The following TEX9 variants were observed in gnomAD, a reference collection of about 807,000 sequenced individuals.
The protein encoded by TEX9 is testis-expressed protein 9.
Under a neutral mutation model 59.6 loss-of-function variants are expected in TEX9, and 74 were observed. That is an observed-to-expected ratio of 1.24 (90% CI 1.03 to 1.51). TEX9 has a LOEUF of 1.51. Ranked by LOEUF, TEX9 falls within the 40% of genes most tolerant of loss-of-function variation. TEX9 has a pLI of 0.00. For missense variants in TEX9, 522 were observed against 447.8 expected (o/e 1.17, Z -1.49); for synonymous variants, 186 against 152.2 (o/e 1.22, Z -1.64).
chr15:56,306,015 A>C (rs1380208436), intron 1 of TEX9, among the ~76,000 whole-genome samples: 10 of 152,168 alleles, frequency 6.6e-5, no homozygotes, highest in African/African-American at 2.2e-4. Flanking sequence ...ACAGACATAT[A>C]AAAACATGCT....
At chr15:56,422,857 A>G (rs1157981041) in intron 10 of TEX9, among the ~76,000 whole-genome samples, 3 of 152,092 alleles carry the variant, frequency 2.0e-5, no homozygotes, top group Admixed American at 6.6e-5. Context: ...TTCTGTCTCT[A>G]TAAATTTGAC....
intron 9 of TEX9, among the ~76,000 whole-genome samples, chr15:56,412,090 T>G (rs1445463843): frequency 3.9e-5 from 6 of 152,100 alleles, no homozygotes; most frequent in African/African-American, 1.4e-4. Flanking sequence ...ACTACATTTT[T>G]TAGGATATAT....
chr15:56,312,226 A>G (rs1355735156), intron 1 of TEX9, among the ~76,000 whole-genome samples: 2 of 144,228 alleles, frequency 1.4e-5, no homozygotes, highest in East Asian at 2.0e-4. Context: ...GCCCATGCCT[A>G]TGTCCTGAAT....
intron 10 of TEX9, among the ~76,000 whole-genome samples, chr15:56,414,959 G>C (rs1276152349): frequency 1.3e-5 from 2 of 151,730 alleles, no homozygotes; most frequent in Admixed American, 1.3e-4. Flanking sequence ...GTATTTAATT[G>C]TGGTTTTGAT....
intron 2 of TEX9, among the ~76,000 whole-genome samples, chr15:56,371,758 C>T (rs1292855356): frequency 6.6e-6 from 1 of 152,116 alleles, no homozygotes; most frequent in Non-Finnish European, 1.5e-5. Flanking sequence ...AAAGTTTTTC[C>T]ATGGTGTCCT....
intron 2 of TEX9, among the ~76,000 whole-genome samples, chr15:56,369,953 T>C (rs2047116218): frequency 7.2e-6 from 1 of 139,860 alleles, no homozygotes; most frequent in South Asian, 2.6e-4. Flanking sequence ...TAAATCTTCT[T>C]GATTCATTAT....
At chr15:56,443,611 G>A (rs772180805) in intron 12 of TEX9, 66 of 1,599,744 alleles carry the variant, frequency 4.1e-5, no homozygotes, top group Non-Finnish European at 5.4e-5. Flanking sequence ...AATTTTACTA[G>A]TGTTAAAGAA....
chr15:56,454,372 T>TTTTAG, the TEX9 span, among the ~76,000 whole-genome samples: 119,852 of 151,394 alleles, frequency 0.79, 47,732 homozygotes, highest in Middle Eastern at 0.89. Context: ...AATTATACTC[T>TTTTAG]TTATTTTTAA....
In TEX9 at chr15:56,421,679, A is replaced by G. The variant is rs564188597; in HGVS notation, c.964-5926A>G. ...CCCCTTCCTGTGTCCATGTGTTCTC[A>G]TTATTCAATTCCCACCTATGAGTGA... On this transcript the variant is annotated intron_variant, in intron 10 of 12. Transcript: ENST00000352903. 2.0e-5 allele frequency: 3 copies of G among 151,686 alleles called. No homozygotes were observed. The South Asian group carries it at 6.2e-4, about 32-fold the overall frequency. 9.4% of individuals were successfully genotyped at this position (151,686 alleles called of 1,614,324 possible).
chr15:56,249,767 AAG>A (rs2043969624), intron 1 of TEX9, among the ~76,000 whole-genome samples: 1 of 151,012 alleles, frequency 6.6e-6, no homozygotes, highest in Non-Finnish European at 1.5e-5. Context: ...AAAAAAAAAA[AAG>A]AGGAAAGAAG....
rs141533240 is a variant in TEX9, at chr15:56,274,094, A to G, written c.-107+29816A>G. 2.9e-3 allele frequency among the ~76,000 whole-genome samples: 434 copies of G among 152,110 alleles called. 5 individuals carry two copies. The highest frequency in any genetic ancestry group is 1.0e-2 in the African/African-American group (414 of 41,514). On this transcript the variant is annotated intron_variant, in intron 1 of 5. Transcript: ENST00000560827. ...CACCCCCAACCACACCCCCAACCCT[A>G]TGTAGGATTACCATTCTACATAGGG...
At chr15:56,458,031 C>G in the TEX9 span, among the ~76,000 whole-genome samples, 1 of 152,120 alleles carries the variant, frequency 6.6e-6, no homozygotes, top group Non-Finnish European at 1.5e-5. Context: ...TGGGATACTA[C>G]TCAGCAATAA....
intron 10 of TEX9, among the ~76,000 whole-genome samples, chr15:56,426,612 TATATATATATATATAC>T (rs2050276494): frequency 4.9e-5 from 2 of 40,792 alleles, no homozygotes; most frequent in South Asian, 1.7e-3. Flanking sequence ...TATATATATA[TATATATATATATATAC>T]ACACACACAA....
intron 1 of TEX9, among the ~76,000 whole-genome samples, chr15:56,319,668 T>G (rs1231021986): frequency 6.6e-6 from 1 of 152,118 alleles, no homozygotes; most frequent in Admixed American, 6.6e-5. Flanking sequence ...CCTAGGGAAA[T>G]GGCAGCACCA....
At chr15:56,287,989 G>A (rs1420173868) in intron 1 of TEX9, among the ~76,000 whole-genome samples, 1 of 152,182 alleles carries the variant, frequency 6.6e-6, no homozygotes, top group Non-Finnish European at 1.5e-5. Context: ...ACATGAGAGT[G>A]CAGACATCTC....
At chr15:56,296,407 AT>A (rs61249027) in intron 1 of TEX9, among the ~76,000 whole-genome samples, 3,929 of 152,084 alleles carry the variant, frequency 0.026, 164 homozygotes, top group African/African-American at 0.09. Flanking sequence ...AGATGAAGAC[AT>A]TGTGTTTCAG....
downstream of TEX9, chr15:56,446,980 A>G: frequency 7.0e-7 from 1 of 1,432,110 alleles, no homozygotes; most frequent in South Asian, 1.2e-5. Context: ...AAATGTTAGG[A>G]CCATAAGAGA....
intron 1 of TEX9, among the ~76,000 whole-genome samples, chr15:56,331,120 G>A (rs1437853661): frequency 1.3e-5 from 2 of 152,134 alleles, no homozygotes; most frequent in Non-Finnish European, 2.9e-5. Context: ...TTGAATATAT[G>A]TGCAGCCAAC....
intron 1 of TEX9, among the ~76,000 whole-genome samples, chr15:56,263,916 A>G (rs546787946): frequency 2.0e-5 from 3 of 152,276 alleles, no homozygotes; most frequent in South Asian, 2.1e-4. Context: ...CACTGCATGG[A>G]TATACCAATT....
Sources: gnomAD v4.1 joint callset for allele counts (sites outside exome capture counted in the v4.1 genomes callset) on GRCh38, gnomAD v4.1.1 for gene constraint, MANE v1.5 for transcripts, NCBI Gene and HGNC (gene_info 2026-07-23, HGNC 2026-07-21) for gene names.